Variants in IGHMBP2 observed in about 807,000 individuals in gnomAD.
IGHMBP2 encodes the protein DNA-binding protein SMUBP-2.
IGHMBP2 carries 81 observed loss-of-function variants against 96.0 expected under a neutral mutation model. The observed-to-expected ratio is 0.84, with a 90% CI of 0.71 to 1.01. The LOEUF (loss-of-function observed/expected upper bound fraction) is 1.01, where lower values mean the gene tolerates loss of function less well. IGHMBP2 is among the 50% of genes least tolerant of loss of function. IGHMBP2 has a pLI of 0.00. For synonymous variants in IGHMBP2, 557 were observed against 548.9 expected, an observed-to-expected ratio of 1.01 and a Z score of -0.21; for missense variants, 1,227 against 1,306.3, an observed-to-expected ratio of 0.94 and a Z score of 0.94.
At chr11:68,930,568 T>G in intron 8 of IGHMBP2, 1 of 1,167,250 alleles carries the variant, frequency 8.6e-7, no homozygotes, top group African/African-American at 1.6e-5. Flanking sequence ...GGGAGACACA[T>G]GGGGATCTAG....
chr11:68,923,150 G>A (rs1306612308), intron 7 of IGHMBP2, among the ~76,000 whole-genome samples: 1 of 151,872 alleles, frequency 6.6e-6, no homozygotes, highest in Non-Finnish European at 1.5e-5. Context: ...ATTTTACGTT[G>A]TTGCATGCTG....
At position 68,936,812 on chromosome 11, in the gene IGHMBP2, A is replaced by C; in HGVS notation, c.2332A>C (p.Arg778=). 1 of 1,613,782 alleles carries C rather than the reference A, an allele frequency of 6.2e-7. No homozygotes were observed. Among genetic ancestry groups the C allele is most frequent in the East Asian group, 2.2e-5 (1 of 44,896 alleles). Reference sequence around the variant, plus strand: ...CGACAGTTCCGGGGAAGGGAAGAGGAGGTTCATCACTGTGAGCAAGAGGGC... The same window carrying C: ...CGACAGTTCCGGGGAAGGGAAGAGGCGGTTCATCACTGTGAGCAAGAGGGC... The part of the protein sequence containing the change: ...RHDSSGEGKR[R]FITVSKRAPR... The change falls in exon 13 of 15, where the codon AGG becomes CGG. Residue 778 remains arginine (R), a synonymous_variant. Transcript: ENST00000255078.
At chr11:68,906,640 C>CTTTTTTTTT (rs60710565) in intron 2 of IGHMBP2, among the ~76,000 whole-genome samples, 1 of 117,590 alleles carries the variant, frequency 8.5e-6, no homozygotes, top group African/African-American at 3.3e-5. Flanking sequence ...CATTTCTTTT[C>CTTTTTTTTT]TTTTTTTTTT....
intron 7 of IGHMBP2, among the ~76,000 whole-genome samples, chr11:68,918,569 G>A (rs1858759664): frequency 6.6e-6 from 1 of 152,070 alleles, no homozygotes; most frequent in Non-Finnish European, 1.5e-5. Context: ...TTGAATCCTG[G>A]AGGTGGAGGT....
chr11:68,938,752 C>T (rs889056699), intron 14 of IGHMBP2, among the ~76,000 whole-genome samples: 3 of 151,914 alleles, frequency 2.0e-5, no homozygotes, highest in Non-Finnish European at 2.9e-5. Flanking sequence ...TGATGAGAAC[C>T]CCCTGGGCCA....
chr11:68,934,035 A>G lies in IGHMBP2; in HGVS notation c.1537+122A>G, dbSNP rs1859424455. 5.2e-6 allele frequency: 4 copies of G among 767,920 alleles called. No homozygotes were observed. In the African/African-American group the frequency reaches 6.9e-5, roughly 13 times the overall value. 47.6% of individuals were successfully genotyped at this position (767,920 alleles called of 1,614,324 possible). A position where few individuals can be genotyped will look rare whatever the true frequency, so the allele number is the denominator to read the frequency against. On this transcript the variant is annotated intron_variant, in intron 10 of 14. Coordinates refer to ENST00000255078, the MANE Select transcript of IGHMBP2 (RefSeq NM_002180.3). ...TGAGAGCAGTTGTTGATGGCCGTGA[A>G]AAAACGGAGCCCCACACTGCAAGAG... is the stretch of plus-strand genomic sequence containing the variant.
chr11:68,932,907 C>T (rs1490910906), intron 8 of IGHMBP2: 2 of 257,340 alleles, frequency 7.8e-6, no homozygotes, highest in Non-Finnish European at 1.5e-5. Flanking sequence ...GACTTGTTGC[C>T]CTTTCCTCTG....
At position 68,908,842 on chromosome 11, in the gene IGHMBP2, G is replaced by GT. The variant is rs770866695; in HGVS notation, c.547+227dup. ...TAATGAACTGGCTCGTTCCATTGAGGTTTTTTTTTTTTTTTTGAGACAGAA... is the reference window on the plus strand; with the variant it reads ...TAATGAACTGGCTCGTTCCATTGAGGTTTTTTTTTTTTTTTTTGAGACAGAA... On this transcript the variant is annotated intron_variant, in intron 4 of 14. Transcript: ENST00000255078. Among the ~76,000 whole-genome samples, 5,410 of 134,548 alleles carry GT rather than the reference G, an allele frequency of 0.04. 356 individuals carry two copies. The highest frequency in any genetic ancestry group is 0.13 in the African/African-American group (4,660 of 36,536). 88.3% of individuals were successfully genotyped at this position (134,548 alleles called of 152,430 possible).
At chr11:68,924,817 A>G (rs960900190) in intron 7 of IGHMBP2, among the ~76,000 whole-genome samples, 1 of 152,212 alleles carries the variant, frequency 6.6e-6, no homozygotes, top group Admixed American at 6.5e-5. Flanking sequence ...AGATGTGAAT[A>G]CCAGTGGCCA....
Position 68,939,903 on chromosome 11 carries a change from C to T in IGHMBP2, c.*172C>T, listed in dbSNP as rs3750978. On this transcript the variant is annotated 3_prime_UTR_variant, in exon 15 of 15. Transcript: ENST00000255078. ...TTTGGACCCCAGGGATAAGCTTTTCCGATGTCACAATGTGGAGGAAAGCAC... is the reference window on the plus strand; with the variant it reads ...TTTGGACCCCAGGGATAAGCTTTTCTGATGTCACAATGTGGAGGAAAGCAC... 153 of 664,040 alleles carry T rather than the reference C, an allele frequency of 2.3e-4. 2 individuals are homozygous for T. The East Asian group carries it at 3.5e-3, about 15-fold the overall frequency. The allele number at this position is 664,040 out of a possible 1,614,324, so 41.1% of individuals were successfully genotyped here. A position where few individuals can be genotyped will look rare whatever the true frequency, so the allele number is the denominator to read the frequency against.
At chr11:68,937,679 G>A (rs1417366200) in intron 13 of IGHMBP2, 1 of 233,250 alleles carries the variant, frequency 4.3e-6, no homozygotes, top group Non-Finnish European at 8.5e-6. Context: ...AGAGCGTGTA[G>A]CGGTCTTGGG....
At chr11:68,907,599 C>T (rs530602301) in intron 2 of IGHMBP2, among the ~76,000 whole-genome samples, 9 of 152,182 alleles carry the variant, frequency 5.9e-5, no homozygotes, top group Non-Finnish European at 8.8e-5. Context: ...ATTTTGATTT[C>T]GTAGACTTTA....
At chr11:68,908,045 T>A in intron 2 of IGHMBP2, 100 bp from the exon 3 acceptor site, 1 of 1,037,552 alleles carries the variant, frequency 9.6e-7, no homozygotes, top group Non-Finnish European at 1.5e-6. Flanking sequence ...CTAAAGAAAG[T>A]AACAAAGATA....
At chr11:68,930,324 A>C in intron 8 of IGHMBP2, 1 of 1,289,748 alleles carries the variant, frequency 7.8e-7, no homozygotes, top group Non-Finnish European at 1.0e-6. Flanking sequence ...GGTGTGTAGA[A>C]GCTATGAACT....
At position 68,914,973 on chromosome 11, in the gene IGHMBP2, G is replaced by A. The variant is rs768803582; in HGVS notation, c.862G>A (p.Asp288Asn). The A allele has an allele frequency of 1.3e-5, 21 of 1,614,094 alleles. No homozygotes were observed. Among genetic ancestry groups the A allele is most frequent in the South Asian group, 3.3e-5 (3 of 91,078 alleles). ...HSLDAVLARS[D>N]SAQIVADIRK... Reference sequence around the variant, plus strand: ...CCTGGATGCGGTTTTAGCGCGGAGCGACAGTGCCCAGATTGTTGCAGATAT... The same window carrying A: ...CCTGGATGCGGTTTTAGCGCGGAGCAACAGTGCCCAGATTGTTGCAGATAT... The change falls in exon 6 of 15, where the codon GAC becomes AAC. Residue 288 changes from aspartate to asparagine, a missense_variant. By Grantham distance (23) the Asp-to-Asn change is conservative. This residue lies in a region of IGHMBP2 where 507 missense variants were observed against 496.9 expected (regional missense o/e 1.02). Coordinates refer to ENST00000255078, the MANE Select transcript of IGHMBP2 (RefSeq NM_002180.3).
intron 7 of IGHMBP2, among the ~76,000 whole-genome samples, chr11:68,920,778 C>G (rs1566434407): frequency 1.3e-5 from 2 of 151,744 alleles, no homozygotes; most frequent in Non-Finnish European, 2.9e-5. Context: ...GCCACTGTGC[C>G]TGGCCTGTTT....
At chr11:68,917,267 G>A (rs1435160294) in intron 6 of IGHMBP2, among the ~76,000 whole-genome samples, 1 of 152,060 alleles carries the variant, frequency 6.6e-6, no homozygotes, top group African/African-American at 2.4e-5. Flanking sequence ...ATGAGCCACC[G>A]CGCCTGACCA....
At chr11:68,935,129 G>A (rs940937316) in intron 11 of IGHMBP2, among the ~76,000 whole-genome samples, 170 bp from the exon 12 acceptor site, 3 of 152,238 alleles carry the variant, frequency 2.0e-5, no homozygotes, top group Admixed American at 6.5e-5. Context: ...GCGTGCATGC[G>A]TGCCCGTGAG....
At chr11:68,937,189 C>T (rs1859580388) in intron 13 of IGHMBP2, 98 bp downstream of exon 13, 1 of 1,441,532 alleles carries the variant, frequency 6.9e-7, no homozygotes, top group Non-Finnish European at 9.6e-7. Flanking sequence ...GAAGGGCTTC[C>T]TCCTGGTGGC....
Sources: allele counts gnomAD v4.1 joint callset (sites outside exome capture counted in the v4.1 genomes callset), GRCh38; gene constraint gnomAD v4.1.1; regional missense constraint gnomAD v4.1.1; transcripts MANE v1.5; gene names NCBI Gene and HGNC (gene_info 2026-07-23, HGNC 2026-07-21).